TTC3: variants seen among roughly 807,000 people sequenced by gnomAD.
TTC3 encodes E3 ubiquitin-protein ligase TTC3.
In TTC3, 180 loss-of-function variants were observed where a neutral mutation model predicts 249.6. The ratio of observed to expected loss-of-function variants is 0.72; its 90% CI spans 0.64 to 0.82. The LOEUF is 0.82. TTC3 is among the 40% of genes least tolerant of loss of function. The pLI, the probability that TTC3 is intolerant of heterozygous loss-of-function variation, is 0.00. For synonymous variants in TTC3, 717 were observed against 805.0 expected (o/e 0.89, Z 1.85); for missense variants, 2,061 against 2,398.4 (o/e 0.86, Z 2.94).
exon 28 of TTC3, chr21:37,156,831 A>G: frequency 6.2e-7 from 1 of 1,614,114 alleles, no homozygotes; most frequent in Non-Finnish European, 8.5e-7. Flanking sequence ...CCGTTGTTTA[A>G]TATGGCTGCT....
At chr21:37,098,077 G>C in intron 10 of TTC3, 1 of 591,578 alleles carries the variant, frequency 1.7e-6, no homozygotes, top group Non-Finnish European at 3.1e-6. Flanking sequence ...TAGACTAGAG[G>C]AATGGATGGG....
At chr21:37,089,912 G>T (rs1294515619) in intron 5 of TTC3, among the ~76,000 whole-genome samples, 1 of 151,894 alleles carries the variant, frequency 6.6e-6, no homozygotes, top group Non-Finnish European at 1.5e-5. Flanking sequence ...TTGAGCCTGG[G>T]ACGTGGAGGT....
At chr21:37,202,485 C>T (rs1364557646) in exon 46 of TTC3, 3 of 152,274 alleles carry the variant, frequency 2.0e-5, no homozygotes. Context: ...CACCACCATT[C>T]TCCTTCCCCA....
At chr21:37,162,186 C>A in intron 31 of TTC3, 123 bp downstream of exon 31, 1 of 560,546 alleles carries the variant, frequency 1.8e-6, no homozygotes, top group South Asian at 3.7e-5. Flanking sequence ...TAAAGCTGTG[C>A]ATCTGACAAC....
At chr21:37,139,313 G>C (rs578003225) in intron 19 of TTC3, among the ~76,000 whole-genome samples, 1 of 152,230 alleles carries the variant, frequency 6.6e-6, no homozygotes, top group East Asian at 1.9e-4. Context: ...ACTGCATGTA[G>C]TCAGTGTATA....
intron 31 of TTC3, among the ~76,000 whole-genome samples, chr21:37,162,687 T>C (rs1787368): frequency 1 from 152,282 of 152,282 alleles, 76,141 homozygotes; most frequent in Non-Finnish European, 1. Context: ...TCATGGATTC[T>C]TTAAGTAGGG....
rs73902588 is a variant in TTC3 at position 37,123,499 on chromosome 21, A to G, written c.1109+471A>G. On this transcript the variant is annotated intron_variant, in intron 13 of 45. Coordinates refer to ENST00000355666, the Ensembl canonical transcript of TTC3. ...TTCCTATTAGAAATAGGCAACAGAT[A>G]GACTTGAGTATGCTCACAAGAAAGC... Among the ~76,000 whole-genome samples, 993 of 152,324 alleles carry G rather than the reference A, an allele frequency of 6.5e-3. 12 individuals carry two copies. Among genetic ancestry groups the G allele is most frequent in the African/African-American group, 0.022 (929 of 41,574 alleles).
At chr21:37,153,007 A>G (rs1342672057) in exon 27 of TTC3, 13 of 1,613,930 alleles carry the variant, frequency 8.1e-6, no homozygotes, top group South Asian at 1.1e-5. Flanking sequence ...TCTACAGTGT[A>G]TAAAGCAGTA....
exon 16 of TTC3, chr21:37,129,031 A>C (rs1174247851): frequency 6.3e-7 from 1 of 1,596,122 alleles, no homozygotes; most frequent in Admixed American, 1.7e-5. Flanking sequence ...AAGGAAAACA[A>C]AAATCTCGAA....
intron 35 of TTC3, among the ~76,000 whole-genome samples, chr21:37,174,492 T>A (rs1463007909): frequency 8.3e-6 from 1 of 120,342 alleles, no homozygotes; most frequent in Admixed American, 8.8e-5. Flanking sequence ...CATGGAGAAA[T>A]TTCTTAAAAC....
At chr21:37,102,360 G>A (rs1048113218) in intron 10 of TTC3, among the ~76,000 whole-genome samples, 1 of 152,264 alleles carries the variant, frequency 6.6e-6, no homozygotes, top group Admixed American at 6.5e-5. Context: ...TATATGGCTT[G>A]CAAAATTCTT....
intron 23 of TTC3, among the ~76,000 whole-genome samples, chr21:37,149,547 G>A (rs1254124976): frequency 6.6e-6 from 1 of 152,154 alleles, no homozygotes; most frequent in Non-Finnish European, 1.5e-5. Flanking sequence ...AATACACTCT[G>A]TAAATTAGTC....
exon 3 of TTC3, chr21:37,087,867 G>A: frequency 6.3e-7 from 1 of 1,598,102 alleles, no homozygotes; most frequent in Non-Finnish European, 8.5e-7. Context: ...CAAAGTGAGA[G>A]GAATTTGGGT....
intron 31 of TTC3, 49 bp from the exon 32 acceptor site, chr21:37,164,001 CA>C: frequency 6.4e-7 from 1 of 1,551,244 alleles, no homozygotes; most frequent in Non-Finnish European, 8.7e-7. Context: ...AATAATAAAC[CA>C]AAGGTCTATC....
chr21:37,155,070 A>G (rs1485332301), intron 27 of TTC3, among the ~76,000 whole-genome samples: 2 of 152,192 alleles, frequency 1.3e-5, no homozygotes, highest in African/African-American at 4.8e-5. Flanking sequence ...TAAAGTAGCA[A>G]TTTTTATTTA....
rs912445493 is a variant in TTC3 at position 37,088,790 on chromosome 21, G to A, written c.339-9G>A. 1 of 1,607,146 alleles carries A rather than the reference G, an allele frequency of 6.2e-7. No individual in the cohort carries two copies. Among genetic ancestry groups the A allele is most frequent in the Non-Finnish European group, 8.5e-7 (1 of 1,177,084 alleles). ...ATCTAATCTTTTAAAAAATAAATTT[G>A]TCTTTAAGCAATTCACGTGCTTCTG... On this transcript the variant is annotated splice_polypyrimidine_tract_variant and intron_variant, in intron 4 of 45. Transcript: ENST00000355666.
intron 40 of TTC3, among the ~76,000 whole-genome samples, chr21:37,191,702 C>G (rs910303030): frequency 6.6e-6 from 1 of 152,158 alleles, no homozygotes; most frequent in Non-Finnish European, 1.5e-5. Flanking sequence ...CCTCAGCCCC[C>G]CAAGTAGCTG....
At chr21:37,159,126 A>G (rs1185789952) in intron 28 of TTC3, among the ~76,000 whole-genome samples, 1 of 152,132 alleles carries the variant, frequency 6.6e-6, no homozygotes, top group Non-Finnish European at 1.5e-5. Context: ...ACACCCCACT[A>G]CTGACTGTGC....
intron 26 of TTC3, among the ~76,000 whole-genome samples, chr21:37,152,411 G>A (rs963010220): frequency 6.7e-5 from 10 of 149,442 alleles, no homozygotes; most frequent in Admixed American, 3.3e-4. Flanking sequence ...TTTTGAGACG[G>A]AGTCTCACTC....
Sources: gnomAD v4.1 joint callset for allele counts (sites outside exome capture counted in the v4.1 genomes callset) on GRCh38, gnomAD v4.1.1 for gene constraint, MANE v1.5 for transcripts, NCBI Gene and HGNC (gene_info 2026-07-23, HGNC 2026-07-21) for gene names.